The following PDZD2 variants were observed in gnomAD, a reference collection of about 807,000 sequenced individuals.
PDZD2 encodes PDZ domain containing 2.
A neutral mutation model predicts 220.7 loss-of-function variants in PDZD2; 90 were observed. The ratio of observed to expected loss-of-function variants is 0.41; its 90% CI spans 0.34 to 0.49. PDZD2 has a LOEUF of 0.49. Ranked by LOEUF, PDZD2 falls within the 20% of genes least tolerant of loss-of-function variation. The probability of loss-of-function intolerance (pLI) is 0.28; values close to 1 mark genes in which losing one functional copy is unlikely to be tolerated. For synonymous variants in PDZD2, 1,375 were observed against 1,450.5 expected (o/e 0.95, Z 1.18); for missense variants, 3,174 against 3,608.5 (o/e 0.88, Z 3.08).
chr5:31,788,436 C>T (rs1182959833), intron 1 of PDZD2, among the ~76,000 whole-genome samples: 6 of 152,186 alleles, frequency 3.9e-5, no homozygotes, highest in Admixed American at 3.3e-4. Flanking sequence ...GAGGCCAAGG[C>T]GGGCGGATCA....
In PDZD2 at chr5:32,087,762, A is replaced by C. The variant is rs775889420; in HGVS notation, c.4314A>C (p.Ala1438=). The C allele has an allele frequency of 1.2e-6, 2 of 1,614,112 alleles. No homozygotes were observed. The highest frequency in any genetic ancestry group is 2.2e-5 in the South Asian group (2 of 91,076). ...TCATCAAGGAGCTGGATGCTTCTGC[A>C]GCAAGGTCTCCGTCTTCCCAGACGG... ...DSFIKELDAS[A]ARSPSSQTGD... Residue 1438 remains alanine, a synonymous_variant, in exon 20 of 25, where the codon GCA becomes GCC. Transcript: ENST00000438447. This position sits in a 1 kb window ranked among gnomAD's most constrained non-coding sequence, Gnocchi z 4.0.
intron 2 of PDZD2, among the ~76,000 whole-genome samples, chr5:31,972,313 C>T (rs1749374759): frequency 6.6e-6 from 1 of 152,102 alleles, no homozygotes; most frequent in South Asian, 2.1e-4. Flanking sequence ...GGGGTCTCAC[C>T]ATGTTGCCTA....
chr5:31,705,415 C>T (rs186556029), intron 1 of PDZD2, among the ~76,000 whole-genome samples: 2 of 152,002 alleles, frequency 1.3e-5, no homozygotes, highest in African/African-American at 4.8e-5. Context: ...ATTAAAGACT[C>T]CTAGAAAGAG....
rs765201801 is a variant in PDZD2, at chr5:32,087,340, G to A, written c.3892G>A (p.Ala1298Thr). 23 of 1,614,080 alleles carry A rather than the reference G, an allele frequency of 1.4e-5. No individual in the cohort carries two copies. In the Admixed American group the frequency reaches 3.7e-4, roughly 26 times the overall value. ...GSPSPGEKAA[A>T]PPDYSKTRSA... ...CCCCTCCCCGGGGGAGAAAGCAGCG[G>A]CTCCCCCTGACTACAGCAAGACTCG... The change falls in exon 20 of 25, where the codon GCT becomes ACT. Residue 1298 changes from alanine (A) to threonine (T), a missense_variant. Physicochemically the swap from Ala to Thr is moderately conservative, Grantham distance 58. This residue lies in a region of PDZD2 where 1,861 missense variants were observed against 2,001.0 expected (regional missense o/e 0.93). Coordinates refer to ENST00000438447, the MANE Select transcript of PDZD2 (RefSeq NM_178140.4). This position sits in a 1 kb window ranked among gnomAD's most constrained non-coding sequence, Gnocchi z 4.0.
At chr5:32,059,013 G>A (rs993611531) in intron 12 of PDZD2, among the ~76,000 whole-genome samples, 9 of 152,146 alleles carry the variant, frequency 5.9e-5, no homozygotes, top group Admixed American at 1.3e-4. Context: ...GTTGACCGTC[G>A]GATAATTCAG....
intron 22 of PDZD2, 129 bp downstream of exon 22, chr5:32,097,509 AAG>A: frequency 1.5e-6 from 1 of 685,262 alleles, no homozygotes; most frequent in Non-Finnish European, 2.6e-6. Context: ...CCAACATAAA[AAG>A]GGAGAAGTGG....
rs1470302431 is a variant in PDZD2, at chr5:32,087,896, C to T, written c.4448C>T (p.Pro1483Leu). 7.4e-6 allele frequency: 12 copies of T among 1,612,940 alleles called. No individual in the cohort carries two copies. The highest frequency in any genetic ancestry group is 4.5e-5 in the East Asian group (2 of 44,852). Residue 1483 changes from proline to leucine, a missense_variant, in exon 20 of 25, where the codon CCG becomes CTG. Transcript: ENST00000438447. This position sits in a 1 kb window ranked among gnomAD's most constrained non-coding sequence, Gnocchi z 4.0. ...EPVPGGQTSS[P>L]RRAWAAGAPA... ...GTCCCGGGGGGCCAGACCTCCTCCCCGAGGAGGGCCTGGGCTGCTGGTGCC... is the reference window on the plus strand; with the variant it reads ...GTCCCGGGGGGCCAGACCTCCTCCCTGAGGAGGGCCTGGGCTGCTGGTGCC...
intron 1 of PDZD2, among the ~76,000 whole-genome samples, chr5:31,708,012 C>T (rs79511781): frequency 0.022 from 3,292 of 152,278 alleles, 49 homozygotes; most frequent in Non-Finnish European, 0.034. Flanking sequence ...AGCTGTCTTA[C>T]TCCCACCTTG....
chr5:31,958,522 C>T (rs964564383), intron 2 of PDZD2, among the ~76,000 whole-genome samples: 29 of 151,898 alleles, frequency 1.9e-4, no homozygotes, highest in African/African-American at 1.5e-4. Context: ...CCCAAAGTGC[C>T]GGGATTACAG....
Position 32,110,103 on chromosome 5 carries a change from T to TAAATC in PDZD2, c.*1972_*1976dup, listed in dbSNP as rs1745235487. On this transcript the variant is annotated 3_prime_UTR_variant, in exon 25 of 25. Coordinates refer to ENST00000438447, the MANE Select transcript of PDZD2 (RefSeq NM_178140.4). ...GTTTTGTGGTTTCTGCTTTCTTGCC[T>TAAATC]AAATCAAAGACTATTTCAAGTCAAC... 2 of 152,676 alleles carry TAAATC rather than the reference T, an allele frequency of 1.3e-5. No homozygotes were observed. The highest frequency in any genetic ancestry group is 1.3e-4 in the Admixed American group (2 of 15,284). 9.5% of individuals were successfully genotyped at this position (152,676 alleles called of 1,614,324 possible).
chr5:31,909,006 A>G (rs760296351), intron 2 of PDZD2: 6 of 291,230 alleles, frequency 2.1e-5, no homozygotes, highest in Non-Finnish European at 3.9e-5. Flanking sequence ...AGATTACTGC[A>G]CTCCAGCCTG....
At chr5:31,861,479 C>T (rs557565090) in intron 2 of PDZD2, among the ~76,000 whole-genome samples, 1 of 152,266 alleles carries the variant, frequency 6.6e-6, no homozygotes, top group South Asian at 2.1e-4. Flanking sequence ...ATTTTCTAGG[C>T]AGATGAAAGT....
At position 32,087,243 on chromosome 5, in the gene PDZD2, C is replaced by T. The variant is rs1278576444; in HGVS notation, c.3795C>T (p.Pro1265=). Reference sequence around the variant, plus strand: ...GGCAAGTCAGTCGGCCAGAGAATCCCAGCCAGCCTGCATCGCCCAGGGTCA... The same window carrying T: ...GGCAAGTCAGTCGGCCAGAGAATCCTAGCCAGCCTGCATCGCCCAGGGTCA... ...DTGQVSRPEN[P]SQPASPRVTK... is the part of the protein sequence containing the mutation. Residue 1265 remains proline, a synonymous_variant, in exon 20 of 25, where the codon CCC becomes CCT. Transcript: ENST00000438447. The surrounding 1 kb of genome is among the most constrained non-coding windows in gnomAD (Gnocchi z 4.0). The T allele has an allele frequency of 3.7e-6, 6 of 1,614,042 alleles. No homozygotes were observed. The highest frequency in any genetic ancestry group is 5.1e-6 in the Non-Finnish European group (6 of 1,180,000).
chr5:31,799,216 C>T lies in PDZD2; in HGVS notation c.-33C>T, dbSNP rs753081890. On this transcript the variant is annotated 5_prime_UTR_variant, in exon 2 of 25. Transcript: ENST00000438447. ...GGGGTCTGGCCCCCAGGAGCAAGAC[C>T]TCTGATGATGCTGGTGTCTGGGAGT... 1 of 1,483,580 alleles carries T rather than the reference C, an allele frequency of 6.7e-7. No homozygotes were observed. Among genetic ancestry groups the T allele is most frequent in the African/African-American group, 1.4e-5 (1 of 72,444 alleles). 91.9% of individuals were successfully genotyped at this position (1,483,580 alleles called of 1,614,324 possible). A position where few individuals can be genotyped will look rare whatever the true frequency, so the allele number is the denominator to read the frequency against.
intron 2 of PDZD2, among the ~76,000 whole-genome samples, chr5:31,880,020 T>G (rs1164481252): frequency 1.3e-5 from 2 of 150,760 alleles, no homozygotes; most frequent in Non-Finnish European, 2.9e-5. Flanking sequence ...TTCAAGCAAT[T>G]CTCCTGCCTC....
At chr5:31,840,607 C>A (rs1056708636) in intron 2 of PDZD2, 3 of 716,576 alleles carry the variant, frequency 4.2e-6, no homozygotes, top group African/African-American at 1.8e-5. Flanking sequence ...AACCCAGGTA[C>A]CTTTCTGATA....
At chr5:31,722,464 T>C (rs567988924) in intron 1 of PDZD2, among the ~76,000 whole-genome samples, 1 of 152,302 alleles carries the variant, frequency 6.6e-6, no homozygotes, top group South Asian at 2.1e-4. Flanking sequence ...TCATTTTGTT[T>C]TTATTACAGC....
At chr5:31,718,019 G>A (rs775458830) in intron 1 of PDZD2, among the ~76,000 whole-genome samples, 51 of 152,244 alleles carry the variant, frequency 3.3e-4, no homozygotes, top group Middle Eastern at 6.8e-3. Flanking sequence ...CTTCTGAAGG[G>A]GTCTGGTTTG....
intron 2 of PDZD2, among the ~76,000 whole-genome samples, chr5:31,902,921 T>TGG (rs1742232258): frequency 6.6e-6 from 1 of 151,872 alleles, no homozygotes; most frequent in South Asian, 2.1e-4. Context: ...TGCATGTCAA[T>TGG]TTCTCATTGT....
Sources: allele counts gnomAD v4.1 joint callset (sites outside exome capture counted in the v4.1 genomes callset), GRCh38; gene constraint gnomAD v4.1.1; regional missense constraint gnomAD v4.1.1; non-coding constraint Gnocchi (gnomAD v3.1); transcripts MANE v1.5; gene names NCBI Gene and HGNC (gene_info 2026-07-23, HGNC 2026-07-21).